OTOP3: variants seen among roughly 807,000 people sequenced by gnomAD.
OTOP3 encodes the protein proton channel OTOP3.
In OTOP3, 41 loss-of-function variants were observed where a neutral mutation model predicts 50.8. That is an observed-to-expected ratio of 0.81 (90% CI 0.63 to 1.05). The LOEUF is 1.05. Among genes scored for constraint, OTOP3 ranks in the 50% least tolerant of loss-of-function variants. The pLI, the probability that OTOP3 is intolerant of heterozygous loss-of-function variation, is 0.00. For missense variants in OTOP3, 788 were observed against 760.8 expected, an observed-to-expected ratio of 1.04 and a Z score of -0.42; for synonymous variants, 320 against 324.4, an observed-to-expected ratio of 0.99 and a Z score of 0.14.
chr17:74,943,368 C>G (rs772830682), intron 4 of OTOP3, 24 bp downstream of exon 4: 1 of 1,608,556 alleles, frequency 6.2e-7, no homozygotes, highest in Non-Finnish European at 8.5e-7. Context: ...CCCTCCCAAA[C>G]CCTCTGGCCT....
intron 6 of OTOP3, among the ~76,000 whole-genome samples, chr17:74,948,333 G>A (rs2039248923): frequency 1.3e-5 from 2 of 152,210 alleles, no homozygotes. Context: ...AGACCAACCT[G>A]GGCAACACAG....
chr17:74,935,850 G>A (rs970495441), upstream of OTOP3: 8 of 1,533,454 alleles, frequency 5.2e-6, no homozygotes, highest in East Asian at 1.7e-4. Context: ...CTGGGGGAGG[G>A]CGTCGCGGGC....
chr17:74,939,877 C>G (rs1192509467), intron 1 of OTOP3, among the ~76,000 whole-genome samples: 3 of 152,056 alleles, frequency 2.0e-5, no homozygotes, highest in Non-Finnish European at 4.4e-5. Context: ...AAACTTTTCC[C>G]TAAACCTTTA....
At chr17:74,946,168 G>A (rs1419224676) in intron 5 of OTOP3, among the ~76,000 whole-genome samples, 1 of 151,964 alleles carries the variant, frequency 6.6e-6, no homozygotes, top group Non-Finnish European at 1.5e-5. Flanking sequence ...AGTAGAGACG[G>A]GGTTTCACCA....
At chr17:74,948,128 T>C (rs1197925349) in intron 6 of OTOP3, among the ~76,000 whole-genome samples, 1 of 152,136 alleles carries the variant, frequency 6.6e-6, no homozygotes, top group Admixed American at 6.5e-5. Context: ...GCAAAGGAAC[T>C]GTGGGCCTGC....
chr17:74,943,285 G>C lies in OTOP3; in HGVS notation c.574-1G>C. The C allele has an allele frequency of 6.2e-7, 1 of 1,614,186 alleles. No individual in the cohort carries two copies. Among genetic ancestry groups the C allele is most frequent in the Non-Finnish European group, 8.5e-7 (1 of 1,180,018 alleles). On this transcript the variant is annotated splice_acceptor_variant, in intron 3 of 6. Coordinates refer to ENST00000328801, the MANE Select transcript of OTOP3 (RefSeq NM_001272005.2). LOFTEE classifies it high-confidence loss of function. ...TGGGCTCAAGGCCCTGTCTCTTTCA[G>C]ACCTGGGTGCTCTGGAAACACTGCA...
At chr17:74,944,242 G>T (rs1233822550) in intron 5 of OTOP3, among the ~76,000 whole-genome samples, 1 of 151,946 alleles carries the variant, frequency 6.6e-6, no homozygotes, top group Non-Finnish European at 1.5e-5. Context: ...CTGTGGGATT[G>T]AGCCACACCT....
chr17:74,945,266 C>T lies in OTOP3; in HGVS notation c.752-1395C>T, dbSNP rs567276997. Among the ~76,000 whole-genome samples the T allele has an allele frequency of 9.9e-5, 15 of 152,284 alleles. No homozygotes were observed. In the South Asian group the frequency reaches 1.5e-3, roughly 15 times the overall value. On this transcript the variant is annotated intron_variant, in intron 5 of 6. Transcript: ENST00000328801. ...CCACCATGCCGGACCCAGTGTACAT[C>T]TCTTTAGAAAGAGATGTATTCCCCC...
intron 1 of OTOP3, among the ~76,000 whole-genome samples, chr17:74,936,961 C>T (rs34082921): frequency 0.18 from 18,065 of 100,932 alleles, 3,943 homozygotes; most frequent in African/African-American, 0.45. Flanking sequence ...CCCCCCCACC[C>T]TTTTTTTTTT....
chr17:74,939,748 G>T (rs1011565968), intron 1 of OTOP3, among the ~76,000 whole-genome samples: 1 of 152,102 alleles, frequency 6.6e-6, no homozygotes, highest in Non-Finnish European at 1.5e-5. Context: ...GGAGTGGGGG[G>T]AGGGGCACAG....
Position 74,941,794 on chromosome 17 carries a change from C to A in OTOP3, c.421C>A (p.Pro141Thr), listed in dbSNP as rs2039177683. 11 of 1,610,866 alleles carry A rather than the reference C, an allele frequency of 6.8e-6. No homozygotes were observed. The highest frequency in any genetic ancestry group is 9.3e-6 in the Non-Finnish European group (11 of 1,178,032). Residue 141 changes from proline to threonine, a missense_variant, in exon 2 of 7, where the codon CCC becomes ACC. By Grantham distance (38) the Pro-to-Thr change is conservative. Coordinates refer to ENST00000328801, the MANE Select transcript of OTOP3 (RefSeq NM_001272005.2). ...AVLYQDPHAGPLWVRGSLVLF... is the reference protein window; with the variant it reads ...AVLYQDPHAGTLWVRGSLVLF... ...GCTCTACCAAGATCCCCACGCGGGGCCCCTCTGGGTGCGGGGTGAGTGTCA... is the reference window on the plus strand; with the variant it reads ...GCTCTACCAAGATCCCCACGCGGGGACCCTCTGGGTGCGGGGTGAGTGTCA...
intron 6 of OTOP3, among the ~76,000 whole-genome samples, chr17:74,947,776 C>T (rs1407227426): frequency 6.6e-6 from 1 of 152,238 alleles, no homozygotes; most frequent in Admixed American, 6.5e-5. Context: ...TCAGGAAGTA[C>T]CTGATTTTCT....
At chr17:74,944,259 A>G (rs971926080) in intron 5 of OTOP3, among the ~76,000 whole-genome samples, 1 of 151,938 alleles carries the variant, frequency 6.6e-6, no homozygotes, top group African/African-American at 2.4e-5. Flanking sequence ...ACCTGTATGT[A>G]CATGCCCCAC....
At position 74,947,429 on chromosome 17, in the gene OTOP3, G is replaced by A. The variant is rs749866967; in HGVS notation, c.1520G>A (p.Arg507Lys). 10 of 1,611,538 alleles carry A rather than the reference G, an allele frequency of 6.2e-6. No individual in the cohort carries two copies. In the South Asian group the frequency reaches 1.1e-4, roughly 18 times the overall value. Residue 507 changes from arginine to lysine, a missense_variant, in exon 6 of 7, where the codon AGG becomes AAG. Coordinates refer to ENST00000328801, the MANE Select transcript of OTOP3 (RefSeq NM_001272005.2). ...TACAGCCACCTCAACTGGAAGCGGA[G>A]GGCACTCAAGGAGATCTCACTCTTC... Reference protein sequence around the residue: ...HSYSHLNWKRRALKEISLFLI... With the variant: ...HSYSHLNWKRKALKEISLFLI...
At position 74,943,569 on chromosome 17, in the gene OTOP3, G is replaced by A. The variant is rs756022900; in HGVS notation, c.633-37G>A. 8 of 1,600,610 alleles carry A rather than the reference G, an allele frequency of 5.0e-6. No homozygotes were observed. In the Admixed American group the frequency reaches 1.3e-4, roughly 27 times the overall value. ...TGAGGGTTTGGCACCTGGGGAGCCG[G>A]CCAGGGTGTGTGAGAAGAGTGTGGC... is the stretch of plus-strand genomic sequence containing the variant. On this transcript the variant is annotated intron_variant, in intron 4 of 6. Transcript: ENST00000328801.
rs374866397 is a variant in OTOP3, at chr17:74,936,960, C to T, written c.19+1020C>T. Among the ~76,000 whole-genome samples the T allele has an allele frequency of 6.1e-4, 24 of 39,442 alleles. 3 individuals carry two copies. The highest frequency in any genetic ancestry group is 7.1e-4 in the African/African-American group (8 of 11,332). The allele number at this position is 39,442 out of a possible 152,430, so 25.9% of individuals were successfully genotyped here. A position where few individuals can be genotyped will look rare whatever the true frequency, so the allele number is the denominator to read the frequency against. On this transcript the variant is annotated intron_variant, in intron 1 of 6. Coordinates refer to ENST00000328801, the MANE Select transcript of OTOP3 (RefSeq NM_001272005.2). ...TATTCGGCATTCATCACCCCCCCACCCTTTTTTTTTTTTTTTTTTTGAGAC... is the reference window on the plus strand; with the variant it reads ...TATTCGGCATTCATCACCCCCCCACTCTTTTTTTTTTTTTTTTTTTGAGAC...
At chr17:74,940,154 GT>G (rs1448147981) in intron 1 of OTOP3, among the ~76,000 whole-genome samples, 28 of 144,648 alleles carry the variant, frequency 1.9e-4, no homozygotes, top group Non-Finnish European at 3.3e-4. Flanking sequence ...CATATATGGG[GT>G]TTTTTTCGGC....
At chr17:74,946,311 C>A (rs2039223957) in intron 5 of OTOP3, among the ~76,000 whole-genome samples, 1 of 152,128 alleles carries the variant, frequency 6.6e-6, no homozygotes, top group South Asian at 2.1e-4. Context: ...CGAGGTCTCA[C>A]CATGTTACCC....
At chr17:74,939,670 A>G (rs929553448) in intron 1 of OTOP3, among the ~76,000 whole-genome samples, 4 of 152,044 alleles carry the variant, frequency 2.6e-5, no homozygotes, top group Non-Finnish European at 4.4e-5. Context: ...ATGGCAGGAG[A>G]CATTCAGGAA....
Sources: allele counts gnomAD v4.1 joint callset (sites outside exome capture counted in the v4.1 genomes callset), GRCh38; gene constraint gnomAD v4.1.1; transcripts MANE v1.5; gene names NCBI Gene and HGNC (gene_info 2026-07-23, HGNC 2026-07-21).